Variants in TRPC5 observed in about 807,000 individuals in gnomAD.
TRPC5 encodes the protein transient receptor potential cation channel subfamily C member 5.
In TRPC5, 9 loss-of-function variants were observed where a neutral mutation model predicts 56.5. The observed-to-expected ratio is 0.16, with a 90% CI of 0.10 to 0.28. The LOEUF is 0.28. Among genes scored for constraint, TRPC5 ranks in the 10% least tolerant of loss-of-function variants. The pLI is 1.00. For synonymous variants in TRPC5, 282 were observed against 278.5 expected (o/e 1.01, Z -0.13); for missense variants, 469 against 748.9 (o/e 0.63, Z 4.36).
At chrX:111,857,418 T>C (rs1923272464) in intron 3 of TRPC5, among the ~76,000 whole-genome samples, 1 of 111,856 alleles carries the variant, frequency 8.9e-6, no homozygotes, top group African/African-American at 3.3e-5. Flanking sequence ...AGGCTTCTCA[T>C]TCAGGTGAAT....
intron 1 of TRPC5, among the ~76,000 whole-genome samples, chrX:111,972,375 T>G (rs748537157): frequency 5.3e-5 from 6 of 112,436 alleles, no homozygotes; most frequent in Non-Finnish European, 1.1e-4. Flanking sequence ...TCTAGAGTTT[T>G]GCAGGCTAAA....
intron 3 of TRPC5, chrX:111,903,817 T>C (rs1313671897): frequency 8.9e-6 from 1 of 112,044 alleles, no homozygotes. Context: ...TCCCTATTTG[T>C]TTGGGTTAAA....
chrX:111,933,102 A>G (rs1372584591), intron 2 of TRPC5, among the ~76,000 whole-genome samples: 1 of 112,120 alleles, frequency 8.9e-6, no homozygotes, highest in Non-Finnish European at 1.9e-5. Context: ...TACTTCACAC[A>G]TTTTGGATGA....
intron 1 of TRPC5, among the ~76,000 whole-genome samples, chrX:111,980,304 T>C (rs190116418): frequency 9.0e-6 from 1 of 111,425 alleles, no homozygotes; most frequent in Non-Finnish European, 1.9e-5. Flanking sequence ...AGATCAATGG[T>C]TGCCTGTGGA....
At chrX:111,916,330 C>T (rs1925974978) in intron 2 of TRPC5, among the ~76,000 whole-genome samples, 1 of 111,470 alleles carries the variant, frequency 9.0e-6, no homozygotes, top group Non-Finnish European at 1.9e-5. Context: ...AAACTTGGGA[C>T]ATTTCTGCCT....
intron 2 of TRPC5, among the ~76,000 whole-genome samples, chrX:111,939,051 T>G (rs954188192): frequency 8.9e-6 from 1 of 111,833 alleles, no homozygotes; most frequent in African/African-American, 3.3e-5. Flanking sequence ...GTATGCGGCT[T>G]TTATTGTGTT....
At chrX:111,947,576 A>C (rs1926962566) in intron 2 of TRPC5, among the ~76,000 whole-genome samples, 1 of 110,902 alleles carries the variant, frequency 9.0e-6, no homozygotes, top group Non-Finnish European at 1.9e-5. Flanking sequence ...TGAACTGCCC[A>C]CCTCGGACAA....
At chrX:111,902,875 C>T in intron 3 of TRPC5, 1 of 111,930 alleles carries the variant, frequency 8.9e-6, no homozygotes, top group Non-Finnish European at 1.9e-5. Flanking sequence ...AGCTACTTTG[C>T]ACTATTATTC....
chrX:111,802,010 C>T (rs747829785), intron 7 of TRPC5, among the ~76,000 whole-genome samples: 1 of 111,952 alleles, frequency 8.9e-6, no homozygotes, highest in Non-Finnish European at 1.9e-5. Context: ...AGTTTTATCA[C>T]TTACATTTAG....
intron 1 of TRPC5, among the ~76,000 whole-genome samples, chrX:111,994,392 T>C (rs1406254096): frequency 9.0e-6 from 1 of 111,724 alleles, no homozygotes; most frequent in African/African-American, 3.3e-5. Flanking sequence ...GCGGGCTCTT[T>C]TTTGGTTCCA....
chrX:111,964,492 C>T (rs1221725048), intron 1 of TRPC5, among the ~76,000 whole-genome samples: 8 of 111,388 alleles, frequency 7.2e-5, no homozygotes, highest in Admixed American at 9.6e-5. Context: ...AGATACTCCT[C>T]GAGAAGAGCA....
chrX:111,811,165 A>T (rs1921693979), intron 7 of TRPC5, among the ~76,000 whole-genome samples: 1 of 112,280 alleles, frequency 8.9e-6, no homozygotes, highest in Non-Finnish European at 1.9e-5. Flanking sequence ...GGATGCATTT[A>T]AATGAGTAAT....
intron 2 of TRPC5, among the ~76,000 whole-genome samples, chrX:111,942,339 A>G (rs1178949257): frequency 8.9e-6 from 1 of 112,538 alleles, no homozygotes; most frequent in Non-Finnish European, 1.9e-5. Context: ...ACAGAACTAA[A>G]TAGAGTTAAT....
chrX:112,038,365 A>C (rs902149263), intron 1 of TRPC5, among the ~76,000 whole-genome samples: 1 of 112,165 alleles, frequency 8.9e-6, no homozygotes. Context: ...GGTCCACACT[A>C]TGATTTTCAG....
chrX:112,060,537 A>T (rs1273265648), intron 1 of TRPC5, among the ~76,000 whole-genome samples: 1 of 111,849 alleles, frequency 8.9e-6, no homozygotes, highest in African/African-American at 3.3e-5. Context: ...TGAAATAAAG[A>T]ATCTTTTCTG....
intron 1 of TRPC5, among the ~76,000 whole-genome samples, chrX:112,077,362 C>T (rs1424907096): frequency 3.6e-5 from 4 of 112,258 alleles, no homozygotes; most frequent in Non-Finnish European, 7.5e-5. Flanking sequence ...AATTGATAAG[C>T]CACATGAATT....
intron 3 of TRPC5, among the ~76,000 whole-genome samples, chrX:111,911,979 C>T (rs149210527): frequency 0.017 from 1,935 of 112,092 alleles, 30 homozygotes; most frequent in African/African-American, 0.059. Flanking sequence ...ATATCCACCA[C>T]CAGCTTGTAA....
At chrX:111,800,641 C>A (rs1921275118) in intron 7 of TRPC5, among the ~76,000 whole-genome samples, 1 of 110,097 alleles carries the variant, frequency 9.1e-6, no homozygotes, top group Admixed American at 9.7e-5. Flanking sequence ...GTAATCCCAG[C>A]TACTAGGGAG....
In TRPC5 at chrX:111,847,394, G is replaced by C; in HGVS notation, c.1420C>G (p.Pro474Ala). ...AAGAGTGCTTCCGCAATCAGAGTCGGGTGCCACATTTCCCATTCCTCCCTT... is the reference window on the plus strand; with the variant it reads ...AAGAGTGCTTCCGCAATCAGAGTCGCGTGCCACATTTCCCATTCCTCCCTT... ...RPREEWEMWH[P>A]TLIAEALFAI... is the part of the protein sequence containing the mutation. Residue 474 changes from proline (P) to alanine (A), a missense_variant, in exon 6 of 11, where the codon CCG becomes GCG. Physicochemically the swap from Pro to Ala is conservative, Grantham distance 27 (BLOSUM62 -1). Transcript: ENST00000262839. 1 of 1,211,346 alleles carries C rather than the reference G, an allele frequency of 8.3e-7. No homozygotes were observed. The highest frequency in any genetic ancestry group is 1.1e-6 in the Non-Finnish European group (1 of 895,450).
Sources: allele counts gnomAD v4.1 joint callset (sites outside exome capture counted in the v4.1 genomes callset), GRCh38; gene constraint gnomAD v4.1.1; transcripts MANE v1.5; gene names NCBI Gene and HGNC (gene_info 2026-07-23, HGNC 2026-07-21).